The following RIMS2 variants were observed in gnomAD, a reference collection of about 807,000 sequenced individuals.
RIMS2 encodes the protein regulating synaptic membrane exocytosis 2.
RIMS2 carries 59 observed loss-of-function variants against 174.4 expected under a neutral mutation model. That is an observed-to-expected ratio of 0.34 (90% CI 0.27 to 0.42). The LOEUF (loss-of-function observed/expected upper bound fraction) is 0.42, where lower values mean the gene tolerates loss of function less well. RIMS2 is among the 10% of genes least tolerant of loss of function. The pLI is 1.00. For synonymous variants in RIMS2, 606 were observed against 572.5 expected, an observed-to-expected ratio of 1.06 and a Z score of -0.84; for missense variants, 1,620 against 1,666.3, an observed-to-expected ratio of 0.97 and a Z score of 0.48.
At chr8:104,025,746 A>T (rs1478040450) in intron 19 of RIMS2, among the ~76,000 whole-genome samples, 1 of 149,652 alleles carries the variant, frequency 6.7e-6, no homozygotes, top group Non-Finnish European at 1.5e-5. Context: ...AATGTACCAC[A>T]TAATGCTGTT....
intron 19 of RIMS2, among the ~76,000 whole-genome samples, chr8:104,206,105 A>C (rs1040801026): frequency 5.3e-5 from 8 of 152,142 alleles, no homozygotes; most frequent in Non-Finnish European, 1.0e-4. Context: ...CCTATATAAT[A>C]AAGACCCTGT....
At chr8:103,558,255 C>T (rs527319572) in intron 1 of RIMS2, among the ~76,000 whole-genome samples, 2 of 152,244 alleles carry the variant, frequency 1.3e-5, no homozygotes, top group East Asian at 3.9e-4. Context: ...GAGTCTTGCT[C>T]TGCCACCCAG....
chr8:103,652,176 C>T, intron 1 of RIMS2, 29 bp from the exon 2 acceptor site: 4 of 1,293,792 alleles, frequency 3.1e-6, no homozygotes, highest in Non-Finnish European at 4.1e-6. Flanking sequence ...TAGTACAGTG[C>T]ACTCAGTTGT....
At chr8:104,192,868 C>G (rs907906123) in intron 19 of RIMS2, among the ~76,000 whole-genome samples, 1 of 152,106 alleles carries the variant, frequency 6.6e-6, no homozygotes, top group African/African-American at 2.4e-5. Flanking sequence ...ACATGGTACC[C>G]ACTACCACGT....
intron 1 of RIMS2, among the ~76,000 whole-genome samples, chr8:103,635,100 T>A (rs1348020242): frequency 6.6e-6 from 1 of 152,206 alleles, no homozygotes; most frequent in African/African-American, 2.4e-5. Context: ...TGTATGGTTA[T>A]TATGTTGGCT....
At chr8:103,814,514 G>C (rs368537258) in intron 3 of RIMS2, among the ~76,000 whole-genome samples, 2 of 151,980 alleles carry the variant, frequency 1.3e-5, no homozygotes, top group East Asian at 3.8e-4. Context: ...GGTTGCTCTT[G>C]TCATTTGGAT....
intron 19 of RIMS2, among the ~76,000 whole-genome samples, chr8:104,211,075 T>TTA (rs1316156714): frequency 4.6e-5 from 7 of 152,204 alleles, no homozygotes; most frequent in African/African-American, 1.7e-4. Context: ...AAAATCTAAT[T>TTA]TATTTTATTA....
At chr8:103,632,713 G>A (rs1589399158) in intron 1 of RIMS2, among the ~76,000 whole-genome samples, 4 of 146,394 alleles carry the variant, frequency 2.7e-5, no homozygotes, top group South Asian at 4.3e-4. Context: ...GAGCCACTGC[G>A]CCCGGCCATA....
intron 19 of RIMS2, among the ~76,000 whole-genome samples, chr8:104,035,629 A>AG (rs1469567255): frequency 9.2e-5 from 14 of 151,782 alleles, no homozygotes; most frequent in African/African-American, 9.7e-5. Context: ...TTTTTTGAGT[A>AG]TTTTGATACT....
intron 1 of RIMS2, among the ~76,000 whole-genome samples, chr8:103,665,956 A>G (rs2096663541): frequency 6.6e-6 from 1 of 152,170 alleles, no homozygotes; most frequent in African/African-American, 2.4e-5. Flanking sequence ...CAGTTTTCTT[A>G]TATATTAATA....
intron 2 of RIMS2, among the ~76,000 whole-genome samples, chr8:103,726,289 G>A (rs2097526857): frequency 6.6e-6 from 1 of 152,140 alleles, no homozygotes; most frequent in Non-Finnish European, 1.5e-5. Flanking sequence ...TGTAAGTCAA[G>A]GAGCATCTGT....
intron 1 of RIMS2, among the ~76,000 whole-genome samples, chr8:103,530,904 T>A (rs1836746972): frequency 6.6e-6 from 1 of 151,968 alleles, no homozygotes; most frequent in Admixed American, 6.6e-5. Context: ...CATGGATGTA[T>A]TAAATGTGAA....
chr8:104,005,280 G>A (rs931143476), intron 17 of RIMS2, among the ~76,000 whole-genome samples: 9 of 152,184 alleles, frequency 5.9e-5, no homozygotes, highest in African/African-American at 2.2e-4. Flanking sequence ...CTTAAGAGAA[G>A]TAAGGACTAT....
At chr8:103,616,632 G>A (rs2095511005) in intron 1 of RIMS2, among the ~76,000 whole-genome samples, 1 of 152,004 alleles carries the variant, frequency 6.6e-6, no homozygotes, top group South Asian at 2.1e-4. Context: ...CATAGTCTAG[G>A]CCCAAAAGCT....
downstream of RIMS2, chr8:104,251,985 G>A (rs762271679): frequency 1.4e-4 from 85 of 607,062 alleles, 1 homozygote; most frequent in Non-Finnish European, 9.0e-5. Context: ...TGCACACATT[G>A]TGCCCTAAAG....
intron 1 of RIMS2, among the ~76,000 whole-genome samples, chr8:103,609,481 G>A (rs1373929694): frequency 2.6e-5 from 4 of 152,042 alleles, no homozygotes; most frequent in South Asian, 2.1e-4. Flanking sequence ...GAGTTTTATA[G>A]TTTCAGGCTT....
intron 3 of RIMS2, among the ~76,000 whole-genome samples, chr8:103,838,500 A>T (rs1347017517): frequency 6.6e-6 from 1 of 152,148 alleles, no homozygotes; most frequent in Admixed American, 6.5e-5. Flanking sequence ...TTTATTTTCC[A>T]TATTGGTTTC....
intron 1 of RIMS2, among the ~76,000 whole-genome samples, chr8:103,585,037 A>T (rs1215680963): frequency 6.6e-6 from 1 of 152,236 alleles, no homozygotes; most frequent in Non-Finnish European, 1.5e-5. Flanking sequence ...GGATGGAAAA[A>T]GATATTCCAT....
intron 3 of RIMS2, chr8:103,880,550 C>G: frequency 2.4e-6 from 1 of 410,086 alleles, no homozygotes; most frequent in Non-Finnish European, 4.4e-6. Context: ...TAGAGACTTT[C>G]AAATCATCTG....
Sources: gnomAD v4.1 joint callset for allele counts (sites outside exome capture counted in the v4.1 genomes callset) on GRCh38, gnomAD v4.1.1 for gene constraint, MANE v1.5 for transcripts, NCBI Gene and HGNC (gene_info 2026-07-23, HGNC 2026-07-21) for gene names.